CDH1: variants seen among roughly 807,000 people sequenced by gnomAD.
The protein encoded by CDH1 is cadherin-1.
CDH1 carries 35 observed loss-of-function variants against 84.5 expected under a neutral mutation model. The ratio of observed to expected loss-of-function variants is 0.41; its 90% CI spans 0.32 to 0.55. The LOEUF (loss-of-function observed/expected upper bound fraction) is 0.55, where lower values mean the gene tolerates loss of function less well. Ranked by LOEUF, CDH1 falls within the 20% of genes least tolerant of loss-of-function variation. CDH1 has a pLI of 0.19. For missense variants in CDH1, 994 were observed against 1,126.6 expected, an observed-to-expected ratio of 0.88 and a Z score of 1.68; for synonymous variants, 417 against 439.0, an observed-to-expected ratio of 0.95 and a Z score of 0.63.
intron 15 of CDH1, 70 bp downstream of exon 15, chr16:68,829,867 A>C: frequency 6.8e-7 from 1 of 1,478,922 alleles, no homozygotes; most frequent in Non-Finnish European, 9.4e-7. Flanking sequence ...GTCAAAAATG[A>C]GAAAAAGAGT....
intron 2 of CDH1, among the ~76,000 whole-genome samples, chr16:68,752,346 A>G (rs1321719446): frequency 2.0e-5 from 3 of 152,116 alleles, no homozygotes; most frequent in African/African-American, 4.8e-5. Flanking sequence ...CTAACATGCT[A>G]TGTATTTCAC....
chr16:68,757,925 A>C (rs1288798244), intron 2 of CDH1, among the ~76,000 whole-genome samples: 2 of 149,442 alleles, frequency 1.3e-5, no homozygotes, highest in South Asian at 4.2e-4. Flanking sequence ...CAGCCTCCCA[A>C]GTAGCTGGGA....
intron 2 of CDH1, among the ~76,000 whole-genome samples, chr16:68,767,883 C>A (rs1192448252): frequency 6.6e-6 from 1 of 152,062 alleles, no homozygotes; most frequent in African/African-American, 2.4e-5. Flanking sequence ...TCACTTGAGC[C>A]TAAGTGTTCC....
At chr16:68,781,176 C>T (rs904576850) in intron 2 of CDH1, among the ~76,000 whole-genome samples, 6 of 152,206 alleles carry the variant, frequency 3.9e-5, no homozygotes, top group Non-Finnish European at 8.8e-5. Flanking sequence ...TCAAAGCACT[C>T]ACACAGGAGG....
intron 3 of CDH1, 49 bp from the exon 4 acceptor site, chr16:68,808,375 T>A (rs1430091235): frequency 3.1e-6 from 5 of 1,608,446 alleles, no homozygotes; most frequent in Non-Finnish European, 3.4e-6. Context: ...AGACCTGAAG[T>A]ATCCGTCTTG....
chr16:68,738,097 G>C (rs1444064655), intron 1 of CDH1, among the ~76,000 whole-genome samples, 200 bp from the exon 2 acceptor site: 1 of 152,054 alleles, frequency 6.6e-6, no homozygotes, highest in Admixed American at 6.5e-5. Flanking sequence ...GCCCCCTCCC[G>C]GGAGTTCCTG....
chr16:68,810,202 C>G lies in CDH1; in HGVS notation c.693C>G (p.Phe231Leu), dbSNP rs2152130994. 6.2e-7 allele frequency: 1 copy of G among 1,614,162 alleles called. No homozygotes were observed. Among genetic ancestry groups the G allele is most frequent in the Non-Finnish European group, 8.5e-7 (1 of 1,180,002 alleles). Reference sequence around the variant, plus strand: ...CCCTCACTTGGTTCTTTCAGCTCTTCTCTCACGCTGTGTCATCCAACGGGA... The same window carrying G: ...CCCTCACTTGGTTCTTTCAGCTCTTGTCTCACGCTGTGTCATCCAACGGGA... Reference protein sequence around the residue: ...DRERIATYTLFSHAVSSNGNA... With the variant: ...DRERIATYTLLSHAVSSNGNA... Residue 231 changes from phenylalanine to leucine, a missense_variant, in exon 6 of 16, where the codon TTC (phenylalanine) becomes TTG (leucine). Phe to Leu is a conservative substitution (Grantham distance 22). Transcript: ENST00000261769.
intron 2 of CDH1, among the ~76,000 whole-genome samples, chr16:68,789,738 C>T (rs1960159099): frequency 6.6e-6 from 1 of 152,154 alleles, no homozygotes; most frequent in Non-Finnish European, 1.5e-5. Flanking sequence ...TAGTCTGAGG[C>T]AGGGGCCCTG....
In CDH1 at chr16:68,815,456, A is replaced by G. The variant is rs561438737; in HGVS notation, c.1321-59A>G. The G allele has an allele frequency of 4.7e-5, 75 of 1,609,448 alleles. No homozygotes were observed. The South Asian group carries it at 6.8e-4, about 15-fold the overall frequency. ...AAGCAACAGTTAAGGATTTAATTTT[A>G]TTTTTACTAACACAAAATGTTTCGT... On this transcript the variant is annotated intron_variant, in intron 9 of 15. Transcript: ENST00000261769.
intron 2 of CDH1, among the ~76,000 whole-genome samples, chr16:68,781,789 C>A (rs528154793): frequency 1.3e-5 from 2 of 152,120 alleles, no homozygotes; most frequent in African/African-American, 4.8e-5. Flanking sequence ...TATCTTTAAT[C>A]CCTTTGGGAT....
In CDH1 at chr16:68,835,280, C is replaced by T. The variant is rs1596978764; in HGVS notation, c.*1781C>T. 4.4e-6 allele frequency: 1 copy of T among 227,278 alleles called. No individual in the cohort carries two copies. Among genetic ancestry groups the T allele is most frequent in the Non-Finnish European group, 8.7e-6 (1 of 114,412 alleles). The allele number at this position is 227,278 out of a possible 1,614,324, so 14.1% of individuals were successfully genotyped here. On this transcript the variant is annotated 3_prime_UTR_variant, in exon 16 of 16. Transcript: ENST00000261769. Reference sequence around the variant, plus strand: ...AAAGAAAAGACTTTTGTTGAAATAGCTTTACTGTTTCTCAAGTGTTTTGGA... The same window carrying T: ...AAAGAAAAGACTTTTGTTGAAATAGTTTTACTGTTTCTCAAGTGTTTTGGA...
intron 2 of CDH1, among the ~76,000 whole-genome samples, chr16:68,740,404 C>G (rs1348248730): frequency 6.6e-6 from 1 of 152,050 alleles, no homozygotes; most frequent in East Asian, 1.9e-4. Context: ...ATCTCTAACT[C>G]CTGGGCTCAA....
Position 68,799,266 on chromosome 16 carries a change from C to T in CDH1, c.164-2404C>T, listed in dbSNP as rs531303446. ...TCACCCCATCCTTTCCTTCAAGTTG[C>T]GGAAGTGAGTTGTAGACCCAGTCTA... On this transcript the variant is annotated intron_variant, in intron 2 of 15. Transcript: ENST00000261769. 2.6e-5 allele frequency among the ~76,000 whole-genome samples: 4 copies of T among 152,190 alleles called. No homozygotes were observed. The East Asian group carries it at 5.8e-4, about 22-fold the overall frequency.
intron 10 of CDH1, 96 bp downstream of exon 10, chr16:68,815,855 A>G: frequency 7.1e-7 from 1 of 1,412,592 alleles, no homozygotes; most frequent in Non-Finnish European, 1.0e-6. Flanking sequence ...GCATTTTGTC[A>G]TTTGTCTGTA....
Position 68,808,763 on chromosome 16 carries a change from C to G in CDH1, c.602C>G (p.Pro201Arg), listed in dbSNP as rs146777134. Residue 201 changes from proline to arginine, a missense_variant, in exon 5 of 16, where the codon CCT (proline) becomes CGT (arginine). Around this residue, in one of 3 missense-constraint regions of CDH1, gnomAD observed 769 missense variants for 881.8 expected, o/e 0.87. Coordinates refer to ENST00000261769, the MANE Select transcript of CDH1 (RefSeq NM_004360.5). ...ACTGGCCAAGGAGCTGACACACCCCCTGTTGGTGTCTTTATTATTGAAAGA... is the reference window on the plus strand; with the variant it reads ...ACTGGCCAAGGAGCTGACACACCCCGTGTTGGTGTCTTTATTATTGAAAGA... ...SITGQGADTP[P>R]VGVFIIERET... 1.2e-6 allele frequency: 2 copies of G among 1,614,028 alleles called. No homozygotes were observed. Among genetic ancestry groups the G allele is most frequent in the African/African-American group, 2.7e-5 (2 of 74,936 alleles).
chr16:68,777,591 A>G (rs1226360363), intron 2 of CDH1, among the ~76,000 whole-genome samples: 1 of 126,606 alleles, frequency 7.9e-6, no homozygotes, highest in Admixed American at 9.9e-5. Flanking sequence ...CCCAAGCTGG[A>G]GTGCAGTGGT....
At chr16:68,789,450 C>T (rs572875847) in intron 2 of CDH1, among the ~76,000 whole-genome samples, 3 of 151,382 alleles carry the variant, frequency 2.0e-5, no homozygotes, top group South Asian at 2.1e-4. Context: ...CTGAAGGACA[C>T]ATATCAGGTG....
intron 2 of CDH1, among the ~76,000 whole-genome samples, chr16:68,780,237 A>T (rs1044298232): frequency 6.6e-6 from 1 of 152,028 alleles, no homozygotes; most frequent in Non-Finnish European, 1.5e-5. Flanking sequence ...TGCCTTTGAC[A>T]TGGCACACCA....
At chr16:68,781,514 C>CT in intron 2 of CDH1, among the ~76,000 whole-genome samples, 1 of 151,940 alleles carries the variant, frequency 6.6e-6, no homozygotes, top group Non-Finnish European at 1.5e-5. Context: ...CTAATTTTTT[C>CT]TTTTTTTAGA....
Sources: gnomAD v4.1 joint callset for allele counts (sites outside exome capture counted in the v4.1 genomes callset) on GRCh38, gnomAD v4.1.1 for gene constraint, gnomAD v4.1.1 regional missense constraint, MANE v1.5 for transcripts, NCBI Gene and HGNC (gene_info 2026-07-23, HGNC 2026-07-21) for gene names.